The following NTM variants were observed in gnomAD, a reference collection of about 807,000 sequenced individuals.
NTM encodes the protein neurotrimin, also known as IgLON family member 2.
A neutral mutation model predicts 42.1 loss-of-function variants in NTM; 13 were observed. The ratio of observed to expected loss-of-function variants is 0.31; its 90% CI spans 0.20 to 0.49. The LOEUF (loss-of-function observed/expected upper bound fraction) is 0.49, where lower values mean the gene tolerates loss of function less well. Ranked by LOEUF, NTM falls within the 20% of genes least tolerant of loss-of-function variation. The pLI, the probability that NTM is intolerant of heterozygous loss-of-function variation, is 0.99. For missense variants in NTM, 373 were observed against 452.8 expected (o/e 0.82, Z 1.60); for synonymous variants, 187 against 179.2 (o/e 1.04, Z -0.35).
At chr11:131,665,691 T>C (rs2134546371) in intron 1 of NTM, among the ~76,000 whole-genome samples, 1 of 152,348 alleles carries the variant, frequency 6.6e-6, no homozygotes, top group South Asian at 2.1e-4. Context: ...TATTTTATTA[T>C]GGCAGCTCTA....
chr11:131,727,411 G>A (rs1462741915), intron 1 of NTM, among the ~76,000 whole-genome samples: 1 of 152,188 alleles, frequency 6.6e-6, no homozygotes, highest in Non-Finnish European at 1.5e-5. Flanking sequence ...TGCTGGGACA[G>A]CTACAAATTT....
chr11:131,632,433 TA>T (rs1204043303), intron 1 of NTM, among the ~76,000 whole-genome samples: 1 of 152,170 alleles, frequency 6.6e-6, no homozygotes, highest in Non-Finnish European at 1.5e-5. Context: ...AACTTTTCTT[TA>T]AGTCTTGTTT....
intron 1 of NTM, among the ~76,000 whole-genome samples, chr11:131,832,383 A>G (rs1279372334): frequency 6.6e-6 from 1 of 152,126 alleles, no homozygotes; most frequent in Non-Finnish European, 1.5e-5. Context: ...TTAAGAAAAA[A>G]AAACCATGGA....
chr11:131,731,412 G>A (rs141410281), intron 1 of NTM, among the ~76,000 whole-genome samples: 37 of 152,296 alleles, frequency 2.4e-4, no homozygotes, highest in Non-Finnish European at 5.1e-4. Context: ...TGAGATCAAA[G>A]CATTTCCTTG....
chr11:131,676,419 C>T (rs556883185), intron 1 of NTM, among the ~76,000 whole-genome samples: 1 of 152,028 alleles, frequency 6.6e-6, no homozygotes, highest in African/African-American at 2.4e-5. Context: ...GTTTTTCTAG[C>T]ACTGAGGGTG....
chr11:131,507,049 G>A (rs577524654), intron 1 of NTM, among the ~76,000 whole-genome samples: 2 of 152,086 alleles, frequency 1.3e-5, no homozygotes, highest in African/African-American at 2.4e-5. Context: ...CCCTTATATC[G>A]GTACACTGTT....
At chr11:132,148,148 GATT>G (rs2070982037) in intron 3 of NTM, among the ~76,000 whole-genome samples, 1 of 152,158 alleles carries the variant, frequency 6.6e-6, no homozygotes, top group Non-Finnish European at 1.5e-5. Context: ...TTTAAAAAAT[GATT>G]CTATAAATGA....
At chr11:132,189,932 G>A in intron 3 of NTM, among the ~76,000 whole-genome samples, 1 of 152,186 alleles carries the variant, frequency 6.6e-6, no homozygotes, top group East Asian at 1.9e-4. Context: ...AACATTATAG[G>A]TCCTGCCTTC....
intron 1 of NTM, among the ~76,000 whole-genome samples, chr11:131,821,339 G>A (rs1411931091): frequency 6.6e-6 from 1 of 152,154 alleles, no homozygotes; most frequent in African/African-American, 2.4e-5. Context: ...CTTTCTTGTG[G>A]TCCAGGCAGG....
At chr11:131,687,083 CT>C (rs962257428) in intron 1 of NTM, among the ~76,000 whole-genome samples, 50 of 152,274 alleles carry the variant, frequency 3.3e-4, no homozygotes, top group African/African-American at 1.0e-3. Flanking sequence ...ACTCACCTCA[CT>C]TGCGGGTCAG....
At chr11:131,529,219 G>A (rs1437372431) in intron 1 of NTM, among the ~76,000 whole-genome samples, 2 of 152,216 alleles carry the variant, frequency 1.3e-5, no homozygotes, top group Admixed American at 6.5e-5. Flanking sequence ...CCACCCATCT[G>A]CCCATAAGGG....
intron 1 of NTM, among the ~76,000 whole-genome samples, chr11:131,686,890 G>A (rs2073952761): frequency 6.6e-6 from 1 of 152,206 alleles, no homozygotes; most frequent in African/African-American, 2.4e-5. Context: ...TCCATCTGCT[G>A]GAAATGCTAA....
chr11:132,155,425 G>A (rs144516619), intron 3 of NTM, among the ~76,000 whole-genome samples: 49 of 152,206 alleles, frequency 3.2e-4, no homozygotes, highest in East Asian at 1.2e-3. Flanking sequence ...TCTTTCTATG[G>A]ATGCAATCCT....
intron 1 of NTM, among the ~76,000 whole-genome samples, chr11:131,427,082 C>T (rs1948195928): frequency 6.6e-6 from 1 of 151,824 alleles, no homozygotes; most frequent in Admixed American, 6.6e-5. Flanking sequence ...TGTAGCTTTC[C>T]TGAGTTAGGT....
chr11:131,914,244 G>C (rs2055865950), intron 2 of NTM, among the ~76,000 whole-genome samples: 1 of 152,172 alleles, frequency 6.6e-6, no homozygotes, highest in East Asian at 1.9e-4. Flanking sequence ...TTTTTGCTTT[G>C]TATTGTGTGT....
Position 131,911,494 on chromosome 11 carries a change from G to C in NTM, c.83-70G>C, listed in dbSNP as rs746235047. The C allele has an allele frequency of 1.2e-5, 20 of 1,614,146 alleles. No individual in the cohort carries two copies. In the South Asian group the frequency reaches 1.9e-4, roughly 15 times the overall value. On this transcript the variant is annotated intron_variant, in intron 1 of 8. Coordinates refer to ENST00000683400, the MANE Select transcript of NTM (RefSeq NM_001352005.2). Reference sequence around the variant, plus strand: ...GTGGCTGTCGAGAATGGGGGTCTGTGGGTACCTGTTCCTGCCCTGGAAGTG... The same window carrying C: ...GTGGCTGTCGAGAATGGGGGTCTGTCGGTACCTGTTCCTGCCCTGGAAGTG...
rs987883250 is a variant in NTM at position 131,879,636 on chromosome 11, CAT to C, written c.83-31925_83-31924del. ...AACATGACTGGCTTCAAAATCAAAA[CAT>C]ATTAATTTTTTGAAAAAAATACTTA... is the stretch of plus-strand genomic sequence containing the variant. On this transcript the variant is annotated intron_variant, in intron 1 of 8. Transcript: ENST00000683400. Among the ~76,000 whole-genome samples, 40 of 152,076 alleles carry C rather than the reference CAT, an allele frequency of 2.6e-4. 1 individual carries two copies. The highest frequency in any genetic ancestry group is 1.7e-4 in the African/African-American group (7 of 41,428).
intron 7 of NTM, among the ~76,000 whole-genome samples, chr11:132,317,017 A>G (rs1425867452): frequency 6.6e-6 from 1 of 152,184 alleles, no homozygotes; most frequent in East Asian, 1.9e-4. Context: ...CTTGTGCATA[A>G]ACTGCACGCT....
At position 131,370,714 on chromosome 11, in the gene NTM, C is replaced by T; in HGVS notation, c.-93C>T. On this transcript the variant is annotated 5_prime_UTR_variant, in exon 1 of 9. Coordinates refer to ENST00000683400, the MANE Select transcript of NTM (RefSeq NM_001352005.2). ...AAAACAGTGGATTTAAATCTCCTTG[C>T]ACAAGCTTGAGAGCAACACAATCTA... 2.7e-6 allele frequency: 3 copies of T among 1,091,634 alleles called. 1 individual carries two copies. Among genetic ancestry groups the T allele is most frequent in the South Asian group, 1.4e-5 (1 of 69,274 alleles). 67.6% of individuals were successfully genotyped at this position (1,091,634 alleles called of 1,614,324 possible). A position where few individuals can be genotyped will look rare whatever the true frequency, so the allele number is the denominator to read the frequency against.
Sources: allele counts gnomAD v4.1 joint callset (sites outside exome capture counted in the v4.1 genomes callset), GRCh38; gene constraint gnomAD v4.1.1; transcripts MANE v1.5; gene names NCBI Gene and HGNC (gene_info 2026-07-23, HGNC 2026-07-21).